Variants in FSD2 observed in about 807,000 individuals in gnomAD.
The protein encoded by FSD2 is fibronectin type III and SPRY domain containing 2, also known as fibronectin type III and SPRY domain-containing protein 2.
In FSD2, 71 loss-of-function variants were observed where a neutral mutation model predicts 80.4. The observed-to-expected ratio is 0.88, with a 90% CI of 0.73 to 1.08. The LOEUF is 1.08. Among genes scored for constraint, FSD2 ranks in the 50% least tolerant of loss-of-function variants. The pLI is 0.00. For missense variants in FSD2, 923 were observed against 913.8 expected (o/e 1.01, Z -0.13); for synonymous variants, 361 against 329.5 (o/e 1.10, Z -1.03).
intron 9 of FSD2, among the ~76,000 whole-genome samples, chr15:82,767,819 C>T (rs2049458499): frequency 6.6e-6 from 1 of 152,182 alleles, no homozygotes; most frequent in South Asian, 2.1e-4. Context: ...ACGTTTCAAG[C>T]CTGGCATTTA....
At chr15:82,764,938 G>A (rs1444989923) in intron 11 of FSD2, among the ~76,000 whole-genome samples, 6 of 151,882 alleles carry the variant, frequency 4.0e-5, no homozygotes, top group South Asian at 2.1e-4. Context: ...AGGGGACCGC[G>A]CCCTCTCCTG....
intron 1 of FSD2, among the ~76,000 whole-genome samples, chr15:82,800,517 C>A (rs1031715515): frequency 2.0e-5 from 3 of 151,634 alleles, no homozygotes. Context: ...CATGGTGAAA[C>A]CCCGTCTCTA....
intron 3 of FSD2, 81 bp downstream of exon 3, chr15:82,786,430 G>T: frequency 1.9e-6 from 2 of 1,049,186 alleles, no homozygotes; most frequent in Non-Finnish European, 2.9e-6. Context: ...AGATTCTCTA[G>T]CTCATACCAG....
chr15:82,780,295 G>C, intron 4 of FSD2, 28 bp from the exon 5 acceptor site: 2 of 1,405,472 alleles, frequency 1.4e-6, no homozygotes, highest in Non-Finnish European at 9.5e-7. Context: ...AAAATATTAA[G>C]TTGATTTTGG....
intron 12 of FSD2, among the ~76,000 whole-genome samples, chr15:82,761,410 G>A (rs2049293371): frequency 6.6e-6 from 1 of 152,176 alleles, no homozygotes; most frequent in South Asian, 2.1e-4. Context: ...AGCAGCAGGA[G>A]CAAACCAGAA....
intron 12 of FSD2, among the ~76,000 whole-genome samples, chr15:82,760,156 G>A (rs1199057885): frequency 6.6e-6 from 1 of 152,132 alleles, no homozygotes; most frequent in African/African-American, 2.4e-5. Flanking sequence ...TTTACCTATA[G>A]CATCCTGAAC....
In FSD2 at chr15:82,755,858, A is replaced by G. The variant is rs1232478343; in HGVS notation, c.*3490T>C. ...AGCATATGTACAGAGTTAATCTCCTATAGCTTGAAGTTATACATGATCTTT... is the reference window on the plus strand; with the variant it reads ...AGCATATGTACAGAGTTAATCTCCTGTAGCTTGAAGTTATACATGATCTTT... On this transcript the variant is annotated 3_prime_UTR_variant, in exon 13 of 13. Transcript: ENST00000334574. 7.4e-6 allele frequency: 3 copies of G among 407,254 alleles called. No individual in the cohort carries two copies. The highest frequency in any genetic ancestry group is 1.5e-5 in the Non-Finnish European group (3 of 202,072). 25.2% of individuals were successfully genotyped at this position (407,254 alleles called of 1,614,324 possible).
intron 4 of FSD2, 112 bp downstream of exon 4, chr15:82,782,682 GC>G: frequency 1.2e-6 from 1 of 840,124 alleles, no homozygotes; most frequent in Non-Finnish European, 1.9e-6. Context: ...CGATTCCAAT[GC>G]CTCCAGGAGG....
intron 3 of FSD2, among the ~76,000 whole-genome samples, chr15:82,783,297 T>C (rs6422425): frequency 0.82 from 124,097 of 152,070 alleles, 50,856 homozygotes; most frequent in African/African-American, 0.89. Context: ...TGGGGTTTCA[T>C]CATATTGGCC....
intron 1 of FSD2, among the ~76,000 whole-genome samples, chr15:82,788,469 C>A (rs138273857): frequency 7.4e-6 from 1 of 135,726 alleles, no homozygotes; most frequent in Non-Finnish European, 1.5e-5. Flanking sequence ...CACACCACTG[C>A]GCTCCAGCCT....
chr15:82,796,000 C>CTTTT (rs143711664), intron 1 of FSD2, among the ~76,000 whole-genome samples: 10 of 117,494 alleles, frequency 8.5e-5, no homozygotes, highest in African/African-American at 1.6e-4. Flanking sequence ...TTTTTCTTTT[C>CTTTT]TTTTTTTTTT....
chr15:82,783,088 GTTTTTTGT>G, intron 3 of FSD2, 63 bp from the exon 4 acceptor site: 3 of 1,234,172 alleles, frequency 2.4e-6, no homozygotes, highest in Non-Finnish European at 3.5e-6. Flanking sequence ...AGAGTCTTTT[GTTTTTTGT>G]TTTTTTGTTT....
chr15:82,797,032 A>C (rs1425665694), intron 1 of FSD2, among the ~76,000 whole-genome samples: 1 of 126,736 alleles, frequency 7.9e-6, no homozygotes, highest in South Asian at 2.6e-4. Context: ...AAAAAAAAAA[A>C]AAAAAAAAAC....
Position 82,758,872 on chromosome 15 carries a change from C to T in FSD2, c.*476G>A, listed in dbSNP as rs371469382. 7 of 169,158 alleles carry T rather than the reference C, an allele frequency of 4.1e-5. No homozygotes were observed. In the East Asian group the frequency reaches 5.0e-4, roughly 12 times the overall value. The allele number at this position is 169,158 out of a possible 1,614,324, so 10.5% of individuals were successfully genotyped here. A position where few individuals can be genotyped will look rare whatever the true frequency, so the allele number is the denominator to read the frequency against. On this transcript the variant is annotated 3_prime_UTR_variant, in exon 13 of 13. Coordinates refer to ENST00000334574, the MANE Select transcript of FSD2 (RefSeq NM_001007122.4). ...ACAGTGCTGCTCACTATTGGGAAAA[C>T]GAGGGTAGAAGACATTGAGAAGGGC...
Position 82,786,924 on chromosome 15 carries a change from C to G in FSD2, c.467G>C (p.Arg156Pro). The change falls in exon 2 of 13, where the codon CGT (arginine) becomes CCT (proline). Residue 156 changes from arginine (R) to proline (P), a missense_variant. By Grantham distance (103) the Arg-to-Pro change is moderately radical (BLOSUM62 -2). Transcript: ENST00000334574. ...ATAGCATTCATACTCCTCGCTGGCA[C>G]GGCCGTGTGTGTACCTATAGGCTTC... ...LREAYRYTHG[R>P]ASEEYECYVI... 6.2e-7 allele frequency: 1 copy of G among 1,613,998 alleles called. No individual in the cohort carries two copies. Among genetic ancestry groups the G allele is most frequent in the Non-Finnish European group, 8.5e-7 (1 of 1,179,890 alleles).
chr15:82,787,616 T>G (rs999534258), intron 1 of FSD2, 148 bp from the exon 2 acceptor site: 1 of 399,188 alleles, frequency 2.5e-6, no homozygotes, highest in African/African-American at 2.1e-5. Context: ...TTTAAAAAAT[T>G]TGTTTTCTAT....
chr15:82,787,455 TGAATATCTGGGC>T lies in FSD2; in HGVS notation c.-77_-66del. 6.9e-7 allele frequency: 1 copy of T among 1,459,446 alleles called. No homozygotes were observed. Among genetic ancestry groups the T allele is most frequent in the Non-Finnish European group, 9.2e-7 (1 of 1,085,526 alleles). 90.4% of individuals were successfully genotyped at this position (1,459,446 alleles called of 1,614,324 possible). On this transcript the variant is annotated splice_region_variant and 5_prime_UTR_variant, in exon 2 of 13. Coordinates refer to ENST00000334574, the MANE Select transcript of FSD2 (RefSeq NM_001007122.4). Reference sequence around the variant, plus strand: ...AAGATCCTTCCTGGACACTTAATAGTGAATATCTGGGCCCTGGAACACAAAAGGAGGAGGAAA... The same window carrying T: ...AAGATCCTTCCTGGACACTTAATAGTCCTGGAACACAAAAGGAGGAGGAAA...
chr15:82,790,189 G>GACAACAACA (rs72034718), intron 1 of FSD2, among the ~76,000 whole-genome samples: 2 of 151,394 alleles, frequency 1.3e-5, no homozygotes, highest in Non-Finnish European at 2.9e-5. Flanking sequence ...CAACAACAAC[G>GACAACAACA]ACAACAACAA....
intron 12 of FSD2, 72 bp from the exon 13 acceptor site, chr15:82,759,672 T>A: frequency 1.6e-6 from 2 of 1,277,322 alleles, no homozygotes; most frequent in East Asian, 2.5e-5. Flanking sequence ...CATTTCATAC[T>A]AATTTTATTC....
Sources: allele counts gnomAD v4.1 joint callset (sites outside exome capture counted in the v4.1 genomes callset), GRCh38; gene constraint gnomAD v4.1.1; transcripts MANE v1.5; gene names NCBI Gene and HGNC (gene_info 2026-07-23, HGNC 2026-07-21).